Variants in FER observed in about 807,000 individuals in gnomAD.
FER encodes FER tyrosine kinase, also known as tyrosine-protein kinase Fer.
In FER, 63 loss-of-function variants were observed where a neutral mutation model predicts 111.0. The observed-to-expected ratio is 0.57, with a 90% CI of 0.46 to 0.70. The LOEUF is 0.70. FER is among the 30% of genes least tolerant of loss of function. The pLI, the probability that FER is intolerant of heterozygous loss-of-function variation, is 0.00. For missense variants in FER, 914 were observed against 954.0 expected, an observed-to-expected ratio of 0.96 and a Z score of 0.55; for synonymous variants, 327 against 313.9, an observed-to-expected ratio of 1.04 and a Z score of -0.44.
chr5:109,092,284 C>CA lies in FER; in HGVS notation c.1925-8085dup, dbSNP rs70999914. Among the ~76,000 whole-genome samples, 152 of 40,412 alleles carry CA rather than the reference C, an allele frequency of 3.8e-3. 13 individuals carry two copies. The highest frequency in any genetic ancestry group is 6.5e-3 in the African/African-American group (83 of 12,840). 26.5% of individuals were successfully genotyped at this position (40,412 alleles called of 152,430 possible). A position where few individuals can be genotyped will look rare whatever the true frequency, so the allele number is the denominator to read the frequency against. ...ATCAATCTTAAAAACCTTATGATGGCAAAAAAAAAAAAAAAAAAAAAAAAA... is the reference window on the plus strand; with the variant it reads ...ATCAATCTTAAAAACCTTATGATGGCAAAAAAAAAAAAAAAAAAAAAAAAAA... On this transcript the variant is annotated intron_variant, in intron 16 of 19. Transcript: ENST00000281092.
chr5:109,131,857 T>C (rs966016210), intron 17 of FER, among the ~76,000 whole-genome samples: 2 of 152,170 alleles, frequency 1.3e-5, no homozygotes, highest in African/African-American at 2.4e-5. Context: ...CATGTTAGTA[T>C]CATGCATACT....
At chr5:109,186,471 C>T (rs1036157888) in intron 19 of FER, 149 bp downstream of exon 19, 1 of 1,128,434 alleles carries the variant, frequency 8.9e-7, no homozygotes, top group East Asian at 2.4e-5. Flanking sequence ...ATTTATCTAA[C>T]ATCTCTGCTC....
intron 13 of FER, among the ~76,000 whole-genome samples, chr5:109,001,492 T>C (rs141444142): frequency 0.01 from 1,594 of 152,238 alleles, 24 homozygotes; most frequent in African/African-American, 0.036. Context: ...CTCAAAGTAA[T>C]AAGAGCTATC....
At chr5:109,105,230 T>TTGTGTGTGTG (rs72106747) in intron 17 of FER, among the ~76,000 whole-genome samples, 14 of 138,640 alleles carry the variant, frequency 1.0e-4, no homozygotes, top group African/African-American at 2.4e-4. Context: ...CAGCTTATAT[T>TTGTGTGTGTG]TGTGTGTGTG....
At chr5:109,064,999 A>C (rs780898254) in intron 16 of FER, among the ~76,000 whole-genome samples, 29 of 152,164 alleles carry the variant, frequency 1.9e-4, no homozygotes, top group South Asian at 4.1e-4. Context: ...TTGGCAGTCT[A>C]CTTATATTTG....
At position 109,027,084 on chromosome 5, in the gene FER, T is replaced by C. The variant is rs1465095042; in HGVS notation, c.1657-10338T>C. 2.6e-5 allele frequency among the ~76,000 whole-genome samples: 4 copies of C among 152,312 alleles called. No homozygotes were observed. In the East Asian group the frequency reaches 5.8e-4, roughly 22 times the overall value. ...ATCTGCTACAGGTATTAAATCTTTG[T>C]AGTGAGATAATATTTTTTTTTAATT... On this transcript the variant is annotated intron_variant, in intron 13 of 19. Coordinates refer to ENST00000281092, the MANE Select transcript of FER (RefSeq NM_005246.4).
intron 17 of FER, among the ~76,000 whole-genome samples, chr5:109,114,765 A>G (rs1395086270): frequency 6.6e-6 from 1 of 152,102 alleles, no homozygotes; most frequent in Non-Finnish European, 1.5e-5. Context: ...TGAGAACAAA[A>G]GCATCCCTCT....
chr5:108,881,365 A>G (rs934347803), intron 8 of FER, among the ~76,000 whole-genome samples: 1 of 151,914 alleles, frequency 6.6e-6, no homozygotes, highest in Non-Finnish European at 1.5e-5. Flanking sequence ...GTGCAGGGGA[A>G]CTCTTCATTT....
At chr5:108,787,695 C>T (rs1754896583) in intron 2 of FER, among the ~76,000 whole-genome samples, 1 of 152,202 alleles carries the variant, frequency 6.6e-6, no homozygotes, top group Non-Finnish European at 1.5e-5. Context: ...CAGAAAGGAG[C>T]TACCCACTAT....
At chr5:108,833,563 A>C (rs1190307048) in intron 4 of FER, among the ~76,000 whole-genome samples, 1 of 152,052 alleles carries the variant, frequency 6.6e-6, no homozygotes, top group African/African-American at 2.4e-5. Context: ...TATAGCTAAA[A>C]TAAGTGATCT....
Position 109,002,683 on chromosome 5 carries a change from G to A in FER, c.1657-34739G>A, listed in dbSNP as rs568410980. Among the ~76,000 whole-genome samples, 6 of 152,142 alleles carry A rather than the reference G, an allele frequency of 3.9e-5. No homozygotes were observed. In the South Asian group the frequency reaches 1.2e-3, roughly 32 times the overall value. ...AAGAAACTACTATCAGAGTGAACAGGCAACCTACAAAATGGGAGAAAATTT... is the reference window on the plus strand; with the variant it reads ...AAGAAACTACTATCAGAGTGAACAGACAACCTACAAAATGGGAGAAAATTT... On this transcript the variant is annotated intron_variant, in intron 13 of 19. Transcript: ENST00000281092.
chr5:108,886,429 A>G (rs1253019959), intron 9 of FER, among the ~76,000 whole-genome samples: 2 of 148,774 alleles, frequency 1.3e-5, no homozygotes, highest in South Asian at 2.1e-4. Flanking sequence ...TATATATTAT[A>G]TATAACATAC....
chr5:108,754,955 A>T (rs957259041), intron 1 of FER, among the ~76,000 whole-genome samples: 2 of 152,210 alleles, frequency 1.3e-5, no homozygotes, highest in Admixed American at 6.5e-5. Context: ...CCAAGTGAAG[A>T]CTTAGTAGAC....
chr5:109,045,318 A>T (rs1771803580), intron 15 of FER, among the ~76,000 whole-genome samples: 1 of 151,400 alleles, frequency 6.6e-6, no homozygotes, highest in Admixed American at 6.6e-5. Flanking sequence ...TACATTATAT[A>T]CCTTTTTATA....
At chr5:109,032,862 A>G (rs1455328390) in intron 13 of FER, among the ~76,000 whole-genome samples, 1 of 152,228 alleles carries the variant, frequency 6.6e-6, no homozygotes, top group East Asian at 1.9e-4. Context: ...TACCGTAATC[A>G]TGATATATTA....
chr5:108,991,752 T>C (rs1413129845), intron 13 of FER, among the ~76,000 whole-genome samples: 1 of 152,158 alleles, frequency 6.6e-6, no homozygotes, highest in African/African-American at 2.4e-5. Flanking sequence ...TTTTCTGTTA[T>C]AACCACTTTA....
At chr5:108,970,346 G>T (rs1253443376) in intron 13 of FER, among the ~76,000 whole-genome samples, 1 of 151,948 alleles carries the variant, frequency 6.6e-6, no homozygotes, top group South Asian at 2.1e-4. Context: ...CTCCCAAGTG[G>T]CTGGGACTAC....
chr5:109,025,977 A>G (rs949114427), intron 13 of FER, among the ~76,000 whole-genome samples: 2 of 152,184 alleles, frequency 1.3e-5, no homozygotes, highest in Non-Finnish European at 2.9e-5. Context: ...TTTGGAGGGC[A>G]TAACTGTTGG....
intron 13 of FER, among the ~76,000 whole-genome samples, chr5:108,984,967 A>G (rs1192353010): frequency 6.6e-6 from 1 of 152,134 alleles, no homozygotes; most frequent in Non-Finnish European, 1.5e-5. Context: ...AACCCACAGA[A>G]AATAAAAAAG....
Sources: gnomAD v4.1 joint callset for allele counts (sites outside exome capture counted in the v4.1 genomes callset) on GRCh38, gnomAD v4.1.1 for gene constraint, MANE v1.5 for transcripts, NCBI Gene and HGNC (gene_info 2026-07-23, HGNC 2026-07-21) for gene names.